Variants in INHBA observed in about 807,000 individuals in gnomAD.
INHBA encodes inhibin beta A chain.
A neutral mutation model predicts 29.0 loss-of-function variants in INHBA; 1 was observed. The observed-to-expected ratio is 0.03, with a 90% CI of 0.01 to 0.16. INHBA has a LOEUF of 0.16. INHBA is among the 10% of genes least tolerant of loss of function. INHBA has a pLI of 1.00. For missense variants in INHBA, 376 were observed against 545.4 expected, an observed-to-expected ratio of 0.69 and a Z score of 3.09; for synonymous variants, 242 against 216.8, an observed-to-expected ratio of 1.12 and a Z score of -1.02.
Position 41,690,112 on chromosome 7 carries a change from G to T in INHBA, c.819C>A (p.Gly273=), listed in dbSNP as rs533331761. The T allele has an allele frequency of 4.2e-4, 683 of 1,613,334 alleles. 5 individuals are homozygous for T. In the South Asian group the frequency reaches 7.1e-3, roughly 17 times the overall value. ...CTGCTCCTGCCCCACCTTCACCTCC[G>T]CCCTTCTTTTTCCCTTCCCCCTCCT... The part of the protein sequence containing the change: ...KEEEGEGKKK[G]GGEGGAGADE... Residue 273 remains glycine (G), a synonymous_variant, in exon 3 of 3, where the codon GGC becomes GGA. Coordinates refer to ENST00000242208, the MANE Select transcript of INHBA (RefSeq NM_002192.4).
In INHBA at chr7:41,700,229, T is replaced by C. The variant is rs1235277612; in HGVS notation, c.146A>G (p.Asn49Ser). The change falls in exon 2 of 3, where the codon AAC becomes AGC. Residue 49 changes from asparagine to serine, a missense_variant. Transcript: ENST00000242208. ...GGCCTCCACCATCTCTGGCTGAGAGTTGGGTACATCCTTTGGGAGGGCGGC... is the reference window on the plus strand; with the variant it reads ...GGCCTCCACCATCTCTGGCTGAGAGCTGGGTACATCCTTTGGGAGGGCGGC... Reference protein sequence around the residue: ...ALAALPKDVPNSQPEMVEAVK... With the variant: ...ALAALPKDVPSSQPEMVEAVK... 1.2e-6 allele frequency: 2 copies of C among 1,613,624 alleles called. No homozygotes were observed. The highest frequency in any genetic ancestry group is 1.7e-6 in the Non-Finnish European group (2 of 1,179,838).
intron 2 of INHBA, among the ~76,000 whole-genome samples, chr7:41,698,618 G>A (rs1370507637): frequency 6.6e-6 from 1 of 152,188 alleles, no homozygotes; most frequent in Non-Finnish European, 1.5e-5. Context: ...GGGAAAGAAA[G>A]TAGGATCTTC....
chr7:41,689,605 T>C lies in INHBA; in HGVS notation c.*45A>G. Reference sequence around the variant, plus strand: ...AAAATTTCTTCATTTTGCCACTGTCTTCTCTGGACAACTCTTGCTCCCTTT... The same window carrying C: ...AAAATTTCTTCATTTTGCCACTGTCCTCTCTGGACAACTCTTGCTCCCTTT... On this transcript the variant is annotated 3_prime_UTR_variant, in exon 3 of 3. Coordinates refer to ENST00000242208, the MANE Select transcript of INHBA (RefSeq NM_002192.4). 1 of 1,390,236 alleles carries C rather than the reference T, an allele frequency of 7.2e-7. No homozygotes were observed. Among genetic ancestry groups the C allele is most frequent in the African/African-American group, 1.5e-5 (1 of 68,768 alleles). 86.1% of individuals were successfully genotyped at this position (1,390,236 alleles called of 1,614,324 possible). A position where few individuals can be genotyped will look rare whatever the true frequency, so the allele number is the denominator to read the frequency against.
rs1794380998 is a variant in INHBA at position 41,685,699 on chromosome 7, T to C, written c.*3951A>G. The stretch of plus-strand genomic sequence containing the variant: ...TTAATACAGAAGAAATGATTCACTT[T>C]ATGCATAAAAAATAAATAATAATAT... On this transcript the variant is annotated 3_prime_UTR_variant, in exon 3 of 3. Transcript: ENST00000242208. 1 of 152,146 alleles carries C rather than the reference T, an allele frequency of 6.6e-6. No homozygotes were observed. The allele number at this position is 152,146 out of a possible 1,614,324, so 9.4% of individuals were successfully genotyped here. A position where few individuals can be genotyped will look rare whatever the true frequency, so the allele number is the denominator to read the frequency against.
rs533546482 is a variant in INHBA, at chr7:41,695,206, C to G, written c.389-4664G>C. Among the ~76,000 whole-genome samples the G allele has an allele frequency of 1.2e-4, 19 of 152,302 alleles. 1 individual carries two copies. The highest frequency in any genetic ancestry group is 1.1e-3 in the Admixed American group (17 of 15,310). On this transcript the variant is annotated intron_variant, in intron 2 of 2. Coordinates refer to ENST00000242208, the MANE Select transcript of INHBA (RefSeq NM_002192.4). ...AGGGTCCTGCTTAAAATATGTTGCT[C>G]TTTTACATATGGGCAATAGTTATGT...
rs1794397034 is a variant in INHBA at position 41,686,512 on chromosome 7, T to G, written c.*3138A>C. On this transcript the variant is annotated 3_prime_UTR_variant, in exon 3 of 3. Coordinates refer to ENST00000242208, the MANE Select transcript of INHBA (RefSeq NM_002192.4). ...AGAGTGGTTGTTCACAGGACTTGTATTTTCCAAGATGATTAAAGATGGTAA... is the reference window on the plus strand; with the variant it reads ...AGAGTGGTTGTTCACAGGACTTGTAGTTTCCAAGATGATTAAAGATGGTAA... 6.6e-6 allele frequency: 1 copy of G among 152,150 alleles called. No individual in the cohort carries two copies. The highest frequency in any genetic ancestry group is 2.4e-5 in the African/African-American group (1 of 41,438). The allele number at this position is 152,150 out of a possible 1,614,324, so 9.4% of individuals were successfully genotyped here.
chr7:41,701,900 C>A (rs946404378), intron 1 of INHBA, among the ~76,000 whole-genome samples: 1 of 152,186 alleles, frequency 6.6e-6, no homozygotes, highest in Non-Finnish European at 1.5e-5. Context: ...CAGATGAAAT[C>A]ATCATGGATT....
At chr7:41,696,017 G>T (rs765381483) in intron 2 of INHBA, among the ~76,000 whole-genome samples, 10 of 147,668 alleles carry the variant, frequency 6.8e-5, no homozygotes, top group Non-Finnish European at 1.2e-4. Flanking sequence ...TGCACAGGCC[G>T]CAGACCACTA....
chr7:41,691,039 T>C (rs912033098), intron 2 of INHBA: 1 of 153,520 alleles, frequency 6.5e-6, no homozygotes, highest in Non-Finnish European at 1.4e-5. Flanking sequence ...TTTCATCTTC[T>C]ATAAAAATGG....
chr7:41,696,173 G>C (rs1482228288), intron 2 of INHBA, among the ~76,000 whole-genome samples: 1 of 152,168 alleles, frequency 6.6e-6, no homozygotes, highest in African/African-American at 2.4e-5. Flanking sequence ...CTTGTCATTT[G>C]TCGCTGGTGG....
intron 2 of INHBA, chr7:41,692,519 G>A (rs1794546281): frequency 6.6e-6 from 1 of 152,190 alleles, no homozygotes; most frequent in South Asian, 2.1e-4. Context: ...TAAATTCACT[G>A]AGGCAAGGGC....
At chr7:41,696,177 C>T (rs781091563) in intron 2 of INHBA, among the ~76,000 whole-genome samples, 1 of 152,136 alleles carries the variant, frequency 6.6e-6, no homozygotes, top group Non-Finnish European at 1.5e-5. Flanking sequence ...TCATTTGTCG[C>T]TGGTGGAAAC....
upstream of INHBA, among the ~76,000 whole-genome samples, chr7:41,704,843 T>C (rs925228825): frequency 2.0e-5 from 3 of 152,130 alleles, no homozygotes; most frequent in African/African-American, 7.2e-5. Flanking sequence ...CTGAGAAGCC[T>C]GGTGGCTGTT....
In INHBA at chr7:41,686,594, G is replaced by A. The variant is rs532014999; in HGVS notation, c.*3056C>T. The stretch of plus-strand genomic sequence containing the variant: ...TAGCAACTTATACTTCTATTTCAAA[G>A]CCATATAAATTTAACAAAATTAAAG... On this transcript the variant is annotated 3_prime_UTR_variant, in exon 3 of 3. Transcript: ENST00000242208. The A allele has an allele frequency of 2.8e-4, 43 of 152,060 alleles. No individual in the cohort carries two copies. Among genetic ancestry groups the A allele is most frequent in the Non-Finnish European group, 5.9e-4 (40 of 67,994 alleles). 9.4% of individuals were successfully genotyped at this position (152,060 alleles called of 1,614,324 possible).
chr7:41,689,630 TCCCCCTGGGCTGGG>T lies in INHBA; in HGVS notation c.*6_*19del, dbSNP rs1176853437. ...TTCTCTGGACAACTCTTGCTCCCTT[TCCCCCTGGGCTGGG>T]CAACTCTATGAGCACCCACACTCCT... On this transcript the variant is annotated 3_prime_UTR_variant, in exon 3 of 3. Coordinates refer to ENST00000242208, the MANE Select transcript of INHBA (RefSeq NM_002192.4). 5 of 1,518,878 alleles carry T rather than the reference TCCCCCTGGGCTGGG, an allele frequency of 3.3e-6. No individual in the cohort carries two copies. Among genetic ancestry groups the T allele is most frequent in the Non-Finnish European group, 4.4e-6 (5 of 1,135,714 alleles). The allele number at this position is 1,518,878 out of a possible 1,614,324, so 94.1% of individuals were successfully genotyped here.
chr7:41,696,274 G>T (rs1794645784), intron 2 of INHBA, among the ~76,000 whole-genome samples: 1 of 152,186 alleles, frequency 6.6e-6, no homozygotes, highest in African/African-American at 2.4e-5. Context: ...ATTAGGGAGA[G>T]ACTTGTGAGC....
At chr7:41,694,352 A>G (rs767927714) in intron 2 of INHBA, among the ~76,000 whole-genome samples, 6 of 152,222 alleles carry the variant, frequency 3.9e-5, no homozygotes, top group Non-Finnish European at 5.9e-5. Flanking sequence ...TACTGCAGTG[A>G]CACTTTCAAG....
At chr7:41,696,558 T>G (rs1462018264) in intron 2 of INHBA, among the ~76,000 whole-genome samples, 1 of 152,168 alleles carries the variant, frequency 6.6e-6, no homozygotes, top group Non-Finnish European at 1.5e-5. Context: ...GGGCTTCCAG[T>G]ACGCGCAACT....
Position 41,700,138 on chromosome 7 carries a change from G to T in INHBA, c.237C>A (p.Pro79=), listed in dbSNP as rs773300358. Residue 79 remains proline (P), a synonymous_variant, in exon 2 of 3, where the codon CCC becomes CCA. Coordinates refer to ENST00000242208, the MANE Select transcript of INHBA (RefSeq NM_002192.4). ...TGATCGCGTTCAGAAGCGCCGCCTT[G>T]GGTACCGGCTGGGTGACATCGGGTC... ...KKRPDVTQPV[P]KAALLNAIRK... The T allele has an allele frequency of 9.3e-6, 15 of 1,613,958 alleles. No individual in the cohort carries two copies. In the African/African-American group the frequency reaches 1.7e-4, roughly 19 times the overall value.
Sources: allele counts gnomAD v4.1 joint callset (sites outside exome capture counted in the v4.1 genomes callset), GRCh38; gene constraint gnomAD v4.1.1; transcripts MANE v1.5; gene names NCBI Gene and HGNC (gene_info 2026-07-23, HGNC 2026-07-21).